The following LCLAT1 variants were observed in gnomAD, a reference collection of about 807,000 sequenced individuals.
LCLAT1 encodes the protein 1-AGP acyltransferase 8.
A neutral mutation model predicts 30.7 loss-of-function variants in LCLAT1; 11 were observed. The observed-to-expected ratio is 0.36, with a 90% CI of 0.23 to 0.59. The LOEUF is 0.59. Ranked by LOEUF, LCLAT1 falls within the 20% of genes least tolerant of loss-of-function variation. The pLI, the probability that LCLAT1 is intolerant of heterozygous loss-of-function variation, is 0.77. For missense variants in LCLAT1, 402 were observed against 458.6 expected (o/e 0.88, Z 1.13); for synonymous variants, 155 against 151.3 (o/e 1.02, Z -0.18).
chr2:30,588,371 T>C (rs1400401556), intron 5 of LCLAT1, among the ~76,000 whole-genome samples: 1 of 152,260 alleles, frequency 6.6e-6, no homozygotes, highest in African/African-American at 2.4e-5. Context: ...TCTGCTCATG[T>C]GGCTGTGCCC....
At chr2:30,548,019 C>T (rs555530065) in intron 3 of LCLAT1, among the ~76,000 whole-genome samples, 9 of 152,094 alleles carry the variant, frequency 5.9e-5, no homozygotes, top group African/African-American at 2.2e-4. Flanking sequence ...GCCTGGAAGA[C>T]ACACATACAT....
chr2:30,591,722 T>G (rs1050096621), intron 5 of LCLAT1, among the ~76,000 whole-genome samples: 8 of 152,192 alleles, frequency 5.3e-5, no homozygotes, highest in African/African-American at 1.9e-4. Flanking sequence ...CACAGTCTAT[T>G]AAGGGAGACA....
chr2:30,622,970 C>CT lies in LCLAT1; in HGVS notation c.629-17146dup, dbSNP rs1668335743. Among the ~76,000 whole-genome samples the CT allele has an allele frequency of 2.0e-5, 3 of 151,970 alleles. No homozygotes were observed. In the South Asian group the frequency reaches 6.2e-4, roughly 31 times the overall value. ...AACCAAGGCAAAATCTCTGAATTGC[C>CT]TGTAAAAGAATTCAGAAGTTCGACT... On this transcript the variant is annotated intron_variant, in intron 5 of 5. Transcript: ENST00000379509.
chr2:30,552,471 G>T (rs1360421244), intron 3 of LCLAT1: 3 of 417,754 alleles, frequency 7.2e-6, no homozygotes, highest in South Asian at 3.5e-5. Flanking sequence ...TTTATACTTT[G>T]ATTTCTATCT....
At chr2:30,562,061 C>T (rs1665251642) in intron 3 of LCLAT1, 85 bp from the exon 4 acceptor site, 1 of 921,878 alleles carries the variant, frequency 1.1e-6, no homozygotes, top group Non-Finnish European at 1.6e-6. Flanking sequence ...TATAGTAAAA[C>T]CAGAAAACTG....
At chr2:30,463,144 C>T (rs932157618) in intron 1 of LCLAT1, among the ~76,000 whole-genome samples, 1 of 151,696 alleles carries the variant, frequency 6.6e-6, no homozygotes, top group African/African-American at 2.4e-5. Flanking sequence ...AATATTTATA[C>T]ATTTATATAT....
rs182252364 is a variant in LCLAT1, at chr2:30,559,597, T to C, written c.365-2549T>C. Among the ~76,000 whole-genome samples, 4 of 152,368 alleles carry C rather than the reference T, an allele frequency of 2.6e-5. No individual in the cohort carries two copies. The East Asian group carries it at 7.7e-4, about 29-fold the overall frequency. On this transcript the variant is annotated intron_variant, in intron 3 of 5. Coordinates refer to ENST00000379509, the MANE Select transcript of LCLAT1 (RefSeq NM_001002257.3). ...GTTATCTTGAATATTCTCACCTTTT[T>C]ATTATTATAGATAATCTATAGCTTT... is the stretch of plus-strand genomic sequence containing the variant.
chr2:30,533,018 C>G, intron 2 of LCLAT1, 98 bp from the exon 3 acceptor site: 1 of 861,506 alleles, frequency 1.2e-6, no homozygotes. Flanking sequence ...CTAACTTTTA[C>G]ATGTTAGAAA....
At chr2:30,610,647 G>A (rs553211008) in intron 5 of LCLAT1, among the ~76,000 whole-genome samples, 1 of 152,186 alleles carries the variant, frequency 6.6e-6, no homozygotes, top group South Asian at 2.1e-4. Flanking sequence ...GTAACAGGCT[G>A]TCATTAAAAA....
intron 5 of LCLAT1, among the ~76,000 whole-genome samples, chr2:30,586,712 A>G (rs1666457843): frequency 6.6e-6 from 1 of 152,142 alleles, no homozygotes; most frequent in Non-Finnish European, 1.5e-5. Context: ...AGCAATTTCA[A>G]GCCTCCTCTG....
In LCLAT1 at chr2:30,640,627, A is replaced by G. The variant is rs746772414; in HGVS notation, c.*8A>G. 7 of 1,574,210 alleles carry G rather than the reference A, an allele frequency of 4.4e-6. No individual in the cohort carries two copies. The highest frequency in any genetic ancestry group is 6.0e-6 in the Non-Finnish European group (7 of 1,164,304). On this transcript the variant is annotated 3_prime_UTR_variant, in exon 6 of 6. Coordinates refer to ENST00000379509, the MANE Select transcript of LCLAT1 (RefSeq NM_001002257.3). The stretch of plus-strand genomic sequence containing the variant: ...TCAAAGAAAAATGAGTAAGATTATA[A>G]GGTTTGCCATGTGAAAACCTAGAGC...
intron 5 of LCLAT1, among the ~76,000 whole-genome samples, chr2:30,590,882 A>G (rs1666664330): frequency 6.6e-6 from 1 of 152,160 alleles, no homozygotes; most frequent in African/African-American, 2.4e-5. Flanking sequence ...TGCCTAGCCA[A>G]GACTAGATAT....
intron 1 of LCLAT1, among the ~76,000 whole-genome samples, chr2:30,508,600 C>T (rs1051243870): frequency 2.2e-4 from 33 of 152,070 alleles, no homozygotes; most frequent in African/African-American, 7.7e-4. Flanking sequence ...TATTCTGTTC[C>T]ATTGGTCTAT....
At chr2:30,579,475 A>G (rs1489903793) in intron 5 of LCLAT1, among the ~76,000 whole-genome samples, 1 of 152,184 alleles carries the variant, frequency 6.6e-6, no homozygotes, top group African/African-American at 2.4e-5. Context: ...ACACATCCTT[A>G]TGCATAAATT....
intron 1 of LCLAT1, among the ~76,000 whole-genome samples, chr2:30,524,849 AC>A (rs141791659): frequency 0.013 from 2,025 of 152,262 alleles, 34 homozygotes; most frequent in African/African-American, 0.046. Context: ...AGGGTTTAGT[AC>A]TATCTGTGAT....
chr2:30,541,145 T>C (rs1176910856), intron 3 of LCLAT1, among the ~76,000 whole-genome samples: 1 of 152,232 alleles, frequency 6.6e-6, no homozygotes, highest in East Asian at 1.9e-4. Flanking sequence ...CTAGTGGAAC[T>C]ACTGTTTTCA....
Position 30,551,345 on chromosome 2 carries a change from A to G in LCLAT1, c.365-10801A>G, listed in dbSNP as rs183064914. ...AGGTTGGCTCTTATGTCCTTTTGACATACTACCATCTTTTTTCTTTTAACC... is the reference window on the plus strand; with the variant it reads ...AGGTTGGCTCTTATGTCCTTTTGACGTACTACCATCTTTTTTCTTTTAACC... On this transcript the variant is annotated intron_variant, in intron 3 of 5. Coordinates refer to ENST00000379509, the MANE Select transcript of LCLAT1 (RefSeq NM_001002257.3). 1.0e-3 allele frequency among the ~76,000 whole-genome samples: 153 copies of G among 152,304 alleles called. 1 individual carries two copies. Among genetic ancestry groups the G allele is most frequent in the African/African-American group, 3.6e-3 (150 of 41,576 alleles).
At chr2:30,536,771 T>C (rs1452905081) in intron 3 of LCLAT1, among the ~76,000 whole-genome samples, 1 of 152,124 alleles carries the variant, frequency 6.6e-6, no homozygotes, top group African/African-American at 2.4e-5. Context: ...CCAAATTGCA[T>C]AGATAAACAA....
chr2:30,485,442 G>C (rs1226257376), intron 1 of LCLAT1, among the ~76,000 whole-genome samples: 1 of 152,116 alleles, frequency 6.6e-6, no homozygotes, highest in African/African-American at 2.4e-5. Flanking sequence ...GGTGTGTAAG[G>C]AAGAAAGGTT....
Sources: gnomAD v4.1 joint callset for allele counts (sites outside exome capture counted in the v4.1 genomes callset) on GRCh38, gnomAD v4.1.1 for gene constraint, MANE v1.5 for transcripts, NCBI Gene and HGNC (gene_info 2026-07-23, HGNC 2026-07-21) for gene names.